PRUNE2: variants seen among roughly 807,000 people sequenced by gnomAD.
PRUNE2 encodes prune homolog 2 with BCH domain.
A neutral mutation model predicts 252.0 loss-of-function variants in PRUNE2; 164 were observed. The ratio of observed to expected loss-of-function variants is 0.65; its 90% CI spans 0.57 to 0.74. The LOEUF is 0.74. Ranked by LOEUF, PRUNE2 falls within the 30% of genes least tolerant of loss-of-function variation. PRUNE2 has a pLI of 0.00. For missense variants in PRUNE2, 3,495 were observed against 3,711.0 expected, an observed-to-expected ratio of 0.94 and a Z score of 1.51; for synonymous variants, 1,292 against 1,350.2, an observed-to-expected ratio of 0.96 and a Z score of 0.94.
chr9:76,742,529 C>G (rs1221457990), intron 6 of PRUNE2, among the ~76,000 whole-genome samples: 1 of 151,564 alleles, frequency 6.6e-6, no homozygotes, highest in East Asian at 1.9e-4. Flanking sequence ...GAGGTAGGAG[C>G]ATTACTTGAG....
At chr9:76,615,534 A>G (rs557146768) in intron 18 of PRUNE2, among the ~76,000 whole-genome samples, 1 of 152,258 alleles carries the variant, frequency 6.6e-6, no homozygotes, top group East Asian at 1.9e-4. Context: ...TTCCTTTGAA[A>G]TATAGTCAGC....
intron 7 of PRUNE2, among the ~76,000 whole-genome samples, chr9:76,711,796 A>G (rs930246713): frequency 2.6e-5 from 4 of 152,232 alleles, no homozygotes; most frequent in African/African-American, 9.6e-5. Context: ...GGGCTGCTTG[A>G]ACCTCTGATA....
At chr9:76,702,529 G>C (rs1321022988) in intron 9 of PRUNE2, among the ~76,000 whole-genome samples, 1 of 152,190 alleles carries the variant, frequency 6.6e-6, no homozygotes, top group African/African-American at 2.4e-5. Context: ...CTTGAGGGCA[G>C]TGATGACATC....
intron 8 of PRUNE2, among the ~76,000 whole-genome samples, chr9:76,704,465 T>TC (rs970162696): frequency 2.6e-5 from 4 of 152,140 alleles, no homozygotes; most frequent in African/African-American, 7.2e-5. Flanking sequence ...CATCAGGTGA[T>TC]CCCCCCTCCT....
rs898449805 is a variant in PRUNE2 at position 76,678,250 on chromosome 9, G to A, written c.8277-22748C>T. Among the ~76,000 whole-genome samples the A allele has an allele frequency of 2.0e-5, 3 of 150,292 alleles. No individual in the cohort carries two copies. The Admixed American group carries it at 2.0e-4, about 10-fold the overall frequency. On this transcript the variant is annotated intron_variant, in intron 9 of 18. Coordinates refer to ENST00000376718, the MANE Select transcript of PRUNE2 (RefSeq NM_015225.3). ...GCCTTTAATCCCAGCTACTCAGGAG[G>A]CTGAGACAGGAGAATCGCCTGAACC... is the stretch of plus-strand genomic sequence containing the variant.
chr9:76,769,452 C>T (rs941691637), intron 6 of PRUNE2, among the ~76,000 whole-genome samples: 5 of 152,062 alleles, frequency 3.3e-5, no homozygotes, highest in Admixed American at 6.6e-5. Context: ...TTAAGAGTTT[C>T]GCTCTTCTTG....
chr9:76,623,487 G>T (rs550459313), intron 17 of PRUNE2, among the ~76,000 whole-genome samples: 2 of 152,144 alleles, frequency 1.3e-5, no homozygotes, highest in South Asian at 4.1e-4. Flanking sequence ...TAGAGACGGG[G>T]TTTCACCATG....
intron 6 of PRUNE2, among the ~76,000 whole-genome samples, chr9:76,816,895 T>TCCTATCCAA (rs1475621281): frequency 6.6e-6 from 1 of 152,230 alleles, no homozygotes; most frequent in East Asian, 1.9e-4. Flanking sequence ...ACACGATCTG[T>TCCTATCCAA]CCTATCCAAT....
Position 76,745,521 on chromosome 9 carries a change from C to T in PRUNE2, c.757-31800G>A, listed in dbSNP as rs771846945. Among the ~76,000 whole-genome samples the T allele has an allele frequency of 8.1e-5, 12 of 148,880 alleles. 1 individual carries two copies. The highest frequency in any genetic ancestry group is 1.5e-4 in the Non-Finnish European group (10 of 67,848). On this transcript the variant is annotated intron_variant, in intron 6 of 18. Transcript: ENST00000376718. ...TGCCAACCACTCCTGTGGCCCCACT[C>T]ATAAGTGACTCAGCATGTTTGATGT... is the stretch of plus-strand genomic sequence containing the variant.
At position 76,836,146 on chromosome 9, in the gene PRUNE2, T is replaced by A. The variant is rs149897231; in HGVS notation, c.509-9414A>T. On this transcript the variant is annotated intron_variant, in intron 4 of 18. Transcript: ENST00000376718. ...AAATGTGCACGCATACAATCCCCAA[T>A]GTGATGATTCAGCAATTTAATGGAT... Among the ~76,000 whole-genome samples the A allele has an allele frequency of 1.7e-3, 262 of 151,928 alleles. 1 individual carries two copies. In the Middle Eastern group the frequency reaches 0.031, roughly 18 times the overall value.
At chr9:76,683,658 C>T (rs1440222550) in intron 9 of PRUNE2, among the ~76,000 whole-genome samples, 2 of 152,052 alleles carry the variant, frequency 1.3e-5, no homozygotes, top group Non-Finnish European at 2.9e-5. Flanking sequence ...GTCATGAACC[C>T]TGAAATTAGG....
intron 6 of PRUNE2, among the ~76,000 whole-genome samples, chr9:76,766,547 G>A (rs10521471): frequency 0.12 from 18,748 of 152,124 alleles, 1,492 homozygotes; most frequent in Admixed American, 0.23. Context: ...ACTGGATCAT[G>A]TTCATGGATA....
chr9:76,673,819 A>G (rs1298995709), intron 9 of PRUNE2, among the ~76,000 whole-genome samples: 4 of 151,942 alleles, frequency 2.6e-5, no homozygotes, highest in African/African-American at 9.7e-5. Flanking sequence ...GATTATCTCA[A>G]TAGATGCAGA....
intron 1 of PRUNE2, among the ~76,000 whole-genome samples, chr9:76,868,238 T>A (rs2060960060): frequency 6.6e-6 from 1 of 152,180 alleles, no homozygotes; most frequent in Non-Finnish European, 1.5e-5. Flanking sequence ...ATATCAAAAA[T>A]GGAGAAAAAC....
At chr9:76,895,404 T>G (rs1564523747) in intron 1 of PRUNE2, among the ~76,000 whole-genome samples, 1 of 152,206 alleles carries the variant, frequency 6.6e-6, no homozygotes, top group Non-Finnish European at 1.5e-5. Context: ...TCCTGACTCA[T>G]GATCACTTGT....
chr9:76,702,063 C>CTTT (rs533432061), intron 9 of PRUNE2, among the ~76,000 whole-genome samples: 7 of 142,062 alleles, frequency 4.9e-5, no homozygotes, highest in African/African-American at 1.5e-4. Context: ...TCTTTTCTCG[C>CTTT]TTTTTTTTTT....
At chr9:76,693,369 T>C (rs1334608595) in intron 9 of PRUNE2, among the ~76,000 whole-genome samples, 6 of 150,374 alleles carry the variant, frequency 4.0e-5, no homozygotes, top group African/African-American at 1.5e-4. Flanking sequence ...CTAACTCTAA[T>C]GGAATGGGAA....
chr9:76,694,062 C>T (rs1298244603), intron 9 of PRUNE2, among the ~76,000 whole-genome samples: 1 of 152,156 alleles, frequency 6.6e-6, no homozygotes, highest in Non-Finnish European at 1.5e-5. Flanking sequence ...AAATGGGGAT[C>T]TTGTCTTTAA....
intron 12 of PRUNE2, chr9:76,642,001 T>TAAAAAAAA (rs369258212): frequency 2.5e-5 from 25 of 1,011,182 alleles, no homozygotes; most frequent in African/African-American, 1.8e-4. Context: ...ATAAGAGAAG[T>TAAAAAAAA]AAAAAAAAAA....
Sources: allele counts gnomAD v4.1 joint callset (sites outside exome capture counted in the v4.1 genomes callset), GRCh38; gene constraint gnomAD v4.1.1; transcripts MANE v1.5; gene names NCBI Gene and HGNC (gene_info 2026-07-23, HGNC 2026-07-21).